Variants in IL1RAPL2 observed in about 807,000 individuals in gnomAD.
IL1RAPL2 encodes the protein interleukin 1 receptor accessory protein like 2, also known as X-linked interleukin-1 receptor accessory protein-like 2.
A neutral mutation model predicts 44.1 loss-of-function variants in IL1RAPL2; 3 were observed. That is an observed-to-expected ratio of 0.07 (90% CI 0.03 to 0.18). The LOEUF (loss-of-function observed/expected upper bound fraction) is 0.18. Among genes scored for constraint, IL1RAPL2 ranks in the 10% least tolerant of loss-of-function variants. IL1RAPL2 has a pLI of 1.00. For synonymous variants in IL1RAPL2, 181 were observed against 178.8 expected, an observed-to-expected ratio of 1.01 and a Z score of -0.10; for missense variants, 391 against 496.4, an observed-to-expected ratio of 0.79 and a Z score of 2.02.
At chrX:104,638,890 C>T (rs1929878453) in intron 1 of IL1RAPL2, among the ~76,000 whole-genome samples, 1 of 111,903 alleles carries the variant, frequency 8.9e-6, no homozygotes, top group African/African-American at 3.2e-5. Context: ...GTCCAAAGTC[C>T]AGTTTAAATA....
chrX:104,646,513 T>A (rs1930043598), intron 1 of IL1RAPL2, among the ~76,000 whole-genome samples: 1 of 111,754 alleles, frequency 8.9e-6, no homozygotes, highest in African/African-American at 3.3e-5. Flanking sequence ...TACTATTTAG[T>A]TTAAAATTTA....
At chrX:105,099,503 C>T (rs1296016952) in intron 2 of IL1RAPL2, among the ~76,000 whole-genome samples, 3 of 79,751 alleles carry the variant, frequency 3.8e-5, no homozygotes, top group East Asian at 9.4e-4. Context: ...CTCGCTCTGT[C>T]GCCCAGGCTG....
At chrX:104,827,506 A>G (rs1921486282) in intron 2 of IL1RAPL2, among the ~76,000 whole-genome samples, 1 of 111,351 alleles carries the variant, frequency 9.0e-6, no homozygotes, top group African/African-American at 3.3e-5. Context: ...TGTTAGTCTG[A>G]TGGCCTTCCC....
At chrX:104,921,838 T>C in intron 2 of IL1RAPL2, among the ~76,000 whole-genome samples, 1 of 111,984 alleles carries the variant, frequency 8.9e-6, no homozygotes. Context: ...GTCTAGTCAG[T>C]TGGGCCTGTT....
chrX:104,680,624 T>TA (rs1156251092), intron 2 of IL1RAPL2, among the ~76,000 whole-genome samples: 121 of 109,606 alleles, frequency 1.1e-3, no homozygotes, highest in South Asian at 3.9e-3. Context: ...ATGAAGTTAT[T>TA]AAAAAAAAAC....
At chrX:105,258,871 C>T (rs1454688744) in intron 4 of IL1RAPL2, among the ~76,000 whole-genome samples, 1 of 111,624 alleles carries the variant, frequency 9.0e-6, no homozygotes, top group Admixed American at 9.5e-5. Context: ...GTTTTTTCAT[C>T]CTCCTCAATC....
chrX:105,486,726 A>ATATATC (rs2036269739), intron 6 of IL1RAPL2, among the ~76,000 whole-genome samples: 1 of 91,158 alleles, frequency 1.1e-5, no homozygotes, highest in Non-Finnish European at 2.1e-5. Flanking sequence ...ATATATATCT[A>ATATATC]TATATCTATA....
At chrX:105,611,995 A>G (rs191173632) in intron 6 of IL1RAPL2, among the ~76,000 whole-genome samples, 45 of 111,939 alleles carry the variant, frequency 4.0e-4, no homozygotes, top group African/African-American at 1.3e-3. Context: ...TTCTGTGGGC[A>G]TATGTTATTA....
At position 105,653,671 on chromosome X, in the gene IL1RAPL2, G is replaced by A. The variant is rs112096128; in HGVS notation, c.773-63696G>A. ...ACCCTAGGAAAAAAGTGAAAAACAT[G>A]TTCCCTTCCTCACACTCAAGCAAGT... On this transcript the variant is annotated intron_variant, in intron 6 of 10. Coordinates refer to ENST00000372582, the MANE Select transcript of IL1RAPL2 (RefSeq NM_017416.2). Among the ~76,000 whole-genome samples the A allele has an allele frequency of 2.3e-3, 249 of 110,622 alleles. 1 individual carries two copies. Among genetic ancestry groups the A allele is most frequent in the African/African-American group, 7.9e-3 (241 of 30,442 alleles).
intron 1 of IL1RAPL2, among the ~76,000 whole-genome samples, chrX:104,636,928 C>G (rs1159225027): frequency 2.7e-5 from 3 of 111,543 alleles, no homozygotes; most frequent in East Asian, 5.7e-4. Flanking sequence ...CCCTCTTCTG[C>G]GTCGCTCACT....
intron 1 of IL1RAPL2, among the ~76,000 whole-genome samples, chrX:104,643,359 G>A (rs779578502): frequency 1.3e-4 from 15 of 111,598 alleles, no homozygotes; most frequent in Non-Finnish European, 3.8e-5. Context: ...TAATCGTTAC[G>A]ATTATGGCTA....
In IL1RAPL2 at chrX:105,252,042, G is replaced by A. The variant is rs1315476263; in HGVS notation, c.544-15346G>A. 5.4e-5 allele frequency among the ~76,000 whole-genome samples: 6 copies of A among 110,904 alleles called. 1 individual carries two copies. The highest frequency in any genetic ancestry group is 1.1e-4 in the Non-Finnish European group (6 of 52,731). The stretch of plus-strand genomic sequence containing the variant: ...ATGTATACACCATAGTCAAGATATG[G>A]AACAGTTCTGTCACTCCAAGTTCTT... On this transcript the variant is annotated intron_variant, in intron 4 of 10. Coordinates refer to ENST00000372582, the MANE Select transcript of IL1RAPL2 (RefSeq NM_017416.2).
chrX:105,715,721 T>G (rs373301536), intron 6 of IL1RAPL2, among the ~76,000 whole-genome samples: 1 of 111,498 alleles, frequency 9.0e-6, no homozygotes, highest in East Asian at 2.8e-4. Flanking sequence ...AGCAAAAATC[T>G]AGAAAACTGA....
intron 1 of IL1RAPL2, among the ~76,000 whole-genome samples, chrX:104,569,430 A>G (rs1302737033): frequency 8.9e-6 from 1 of 111,931 alleles, no homozygotes; most frequent in African/African-American, 3.3e-5. Context: ...TCAATGTTGT[A>G]GAACATTCTT....
intron 6 of IL1RAPL2, among the ~76,000 whole-genome samples, chrX:105,679,726 A>C (rs1484395190): frequency 8.9e-6 from 1 of 111,831 alleles, no homozygotes; most frequent in Non-Finnish European, 1.9e-5. Flanking sequence ...AAACATATCA[A>C]TTTTTACTAA....
chrX:104,778,386 C>G (rs1705346709), intron 2 of IL1RAPL2, among the ~76,000 whole-genome samples: 1 of 110,148 alleles, frequency 9.1e-6, no homozygotes, highest in African/African-American at 3.3e-5. Context: ...CAATATACTT[C>G]CTAAATATTT....
At chrX:105,521,353 C>T (rs963980027) in intron 6 of IL1RAPL2, among the ~76,000 whole-genome samples, 2 of 110,588 alleles carry the variant, frequency 1.8e-5, no homozygotes, top group African/African-American at 3.3e-5. Context: ...AGAAAAACAA[C>T]AACAGTGACA....
chrX:104,767,952 C>A (rs994646821), intron 2 of IL1RAPL2, among the ~76,000 whole-genome samples: 2 of 112,039 alleles, frequency 1.8e-5, no homozygotes, highest in African/African-American at 6.5e-5. Flanking sequence ...CAAAAGAAAA[C>A]TTAAAGTATG....
At chrX:105,049,159 T>C (rs1569369901) in intron 2 of IL1RAPL2, among the ~76,000 whole-genome samples, 2 of 104,215 alleles carry the variant, frequency 1.9e-5, no homozygotes, top group East Asian at 2.9e-4. Flanking sequence ...TTACTACTTA[T>C]GGTTTTTTTT....
Sources: gnomAD v4.1 joint callset for allele counts (sites outside exome capture counted in the v4.1 genomes callset) on GRCh38, gnomAD v4.1.1 for gene constraint, MANE v1.5 for transcripts, NCBI Gene and HGNC (gene_info 2026-07-23, HGNC 2026-07-21) for gene names.